Variants in UPF3B observed in about 807,000 individuals in gnomAD.
UPF3B encodes regulator of nonsense transcripts 3B.
In UPF3B, 7 loss-of-function variants were observed where a neutral mutation model predicts 40.3. The ratio of observed to expected loss-of-function variants is 0.17; its 90% CI spans 0.10 to 0.33. The LOEUF (loss-of-function observed/expected upper bound fraction) is 0.33, where lower values mean the gene tolerates loss of function less well. UPF3B is among the 10% of genes least tolerant of loss of function. The pLI is 1.00. For missense variants in UPF3B, 229 were observed against 358.9 expected, an observed-to-expected ratio of 0.64 and a Z score of 2.93; for synonymous variants, 117 against 117.3, an observed-to-expected ratio of 1.00 and a Z score of 0.01.
rs141878146 is a variant in UPF3B, at chrX:119,816,345, C to T, written c.495-1038G>A. Among the ~76,000 whole-genome samples the T allele has an allele frequency of 3.9e-3, 437 of 111,340 alleles. 5 individuals carry two copies. Among genetic ancestry groups the T allele is most frequent in the African/African-American group, 0.012 (383 of 30,701 alleles). ...AGGCTCCCACAACACCCTGTGCTAC[C>T]GCGACCCTTCTGACATTGTGCATCA... On this transcript the variant is annotated intron_variant, in intron 4 of 6. Coordinates refer to the UPF3B transcript ENST00000636792.
intron 3 of UPF3B, among the ~76,000 whole-genome samples, chrX:119,849,287 A>G (rs983580697): frequency 9.0e-6 from 1 of 110,594 alleles, no homozygotes; most frequent in African/African-American, 3.3e-5. Flanking sequence ...TGAGGCCAGG[A>G]GTTTGAGACC....
chrX:119,814,836 C>T (rs2055849405), intron 5 of UPF3B, among the ~76,000 whole-genome samples: 1 of 106,439 alleles, frequency 9.4e-6, no homozygotes, highest in South Asian at 4.2e-4. Context: ...CTGCTGCACA[C>T]TCCTCTACTC....
chrX:119,847,632 T>C (rs2056251082), intron 3 of UPF3B, among the ~76,000 whole-genome samples: 1 of 109,324 alleles, frequency 9.1e-6, no homozygotes, highest in Non-Finnish European at 1.9e-5. Flanking sequence ...CAGGGTGTGG[T>C]GGCAGGTGTC....
chrX:119,843,070 AG>A, intron 5 of UPF3B, 120 bp downstream of exon 5: 4 of 519,805 alleles, frequency 7.7e-6, no homozygotes, highest in Non-Finnish European at 1.4e-5. Flanking sequence ...TGCAATTTAC[AG>A]TAACAGTCTC....
chrX:119,837,706 G>T, intron 10 of UPF3B, 51 bp downstream of exon 10: 1 of 1,165,316 alleles, frequency 8.6e-7, no homozygotes. Context: ...CTTTACACTT[G>T]CAGGAAAAGG....
intron 3 of UPF3B, among the ~76,000 whole-genome samples, chrX:119,851,113 T>A (rs2056298181): frequency 8.9e-6 from 1 of 112,613 alleles, no homozygotes; most frequent in Middle Eastern, 4.2e-3. Context: ...AATTGGGAAC[T>A]GTTGGCTTAA....
At chrX:119,827,320 C>A (rs1414469184) in intron 3 of UPF3B, among the ~76,000 whole-genome samples, 1 of 111,065 alleles carries the variant, frequency 9.0e-6, no homozygotes, top group Non-Finnish European at 1.9e-5. Context: ...GTGCTGCGAG[C>A]AAGAGACAAA....
chrX:119,852,716 C>A, intron 1 of UPF3B, 57 bp downstream of exon 1: 2 of 1,207,700 alleles, frequency 1.7e-6, no homozygotes, highest in Admixed American at 4.3e-5. Flanking sequence ...TCCCAGCCAT[C>A]CTCCCCGCGC....
chrX:119,829,473 C>G (rs1245295301), downstream of UPF3B, among the ~76,000 whole-genome samples: 2 of 112,023 alleles, frequency 1.8e-5, no homozygotes, highest in East Asian at 5.6e-4. Flanking sequence ...GCTTCCCTGT[C>G]CCATAATTGT....
At position 119,838,289 on chromosome X, in the gene UPF3B, T is replaced by G. The variant is rs190843350; in HGVS notation, c.1007+78A>C. On this transcript the variant is annotated intron_variant, in intron 9 of 10. Transcript: ENST00000276201. The stretch of plus-strand genomic sequence containing the variant: ...CCCTGCATAAAACAGCTTATCTTAA[T>G]TCAGGTACATGTCCAGGACATAGCA... The G allele has an allele frequency of 2.7e-5, 30 of 1,103,566 alleles. No individual in the cohort carries two copies. In the Admixed American group the frequency reaches 6.7e-4, roughly 25 times the overall value. The allele number at this position is 1,103,566 out of a possible 1,213,427, so 90.9% of individuals were successfully genotyped here.
chrX:119,843,423 C>A (rs1260468422), intron 4 of UPF3B, 122 bp from the exon 5 acceptor site: 8 of 494,037 alleles, frequency 1.6e-5, no homozygotes, highest in Non-Finnish European at 2.4e-5. Flanking sequence ...TTAAAAAAAA[C>A]CAAACCATAC....
chrX:119,849,480 TAA>T (rs1205770003), intron 3 of UPF3B, among the ~76,000 whole-genome samples: 3 of 85,756 alleles, frequency 3.5e-5, no homozygotes. Context: ...GCGACAGAGT[TAA>T]GACTCTGTCT....
At chrX:119,825,090 G>C (rs2055966977) in intron 3 of UPF3B, among the ~76,000 whole-genome samples, 1 of 111,161 alleles carries the variant, frequency 9.0e-6, no homozygotes, top group Non-Finnish European at 1.9e-5. Flanking sequence ...TTTCACAGCT[G>C]TATTAGTCCG....
intron 3 of UPF3B, among the ~76,000 whole-genome samples, chrX:119,846,108 A>G (rs2056227393): frequency 9.1e-6 from 1 of 110,490 alleles, no homozygotes; most frequent in East Asian, 2.8e-4. Context: ...CCGAGATGAG[A>G]GGATCACCTG....
chrX:119,824,764 C>CTTTTTTTTTT (rs11351287), intron 3 of UPF3B, among the ~76,000 whole-genome samples: 2 of 65,633 alleles, frequency 3.0e-5, no homozygotes, highest in African/African-American at 6.6e-5. Context: ...CCATTTCTTT[C>CTTTTTTTTTT]TTTTTTTTTT....
chrX:119,852,150 C>T (rs1185816543), intron 1 of UPF3B, among the ~76,000 whole-genome samples: 1 of 111,485 alleles, frequency 9.0e-6, no homozygotes, highest in East Asian at 2.8e-4. Flanking sequence ...GTTTGTGCAT[C>T]ATTTTCGATC....
intron 4 of UPF3B, 81 bp from the exon 5 acceptor site, chrX:119,843,382 CA>C: frequency 1.5e-6 from 1 of 684,870 alleles, no homozygotes; most frequent in Non-Finnish European, 2.3e-6. Context: ...ACTGATTTAT[CA>C]AAGAAGATAA....
intron 3 of UPF3B, 93 bp downstream of exon 3, chrX:119,851,402 T>C (rs977573417): frequency 1.6e-6 from 1 of 620,990 alleles, no homozygotes; most frequent in South Asian, 2.3e-5. Context: ...TTATTAAATG[T>C]GTAAAACTCT....
chrX:119,833,842 T>C (rs1336301540), downstream of UPF3B, among the ~76,000 whole-genome samples: 1 of 112,499 alleles, frequency 8.9e-6, no homozygotes, highest in Non-Finnish European at 1.9e-5. Flanking sequence ...TTATTTGTTT[T>C]ATTTAGAACC....
Sources: gnomAD v4.1 joint callset for allele counts (sites outside exome capture counted in the v4.1 genomes callset) on GRCh38, gnomAD v4.1.1 for gene constraint, MANE v1.5 for transcripts, NCBI Gene and HGNC (gene_info 2026-07-23, HGNC 2026-07-21) for gene names.